RALY: variants seen among roughly 807,000 people sequenced by gnomAD.
RALY encodes the protein RNA-binding protein Raly.
Under a neutral mutation model 30.7 loss-of-function variants are expected in RALY, and 15 were observed. The ratio of observed to expected loss-of-function variants is 0.49; its 90% CI spans 0.33 to 0.75. The LOEUF (loss-of-function observed/expected upper bound fraction) is 0.75, where lower values mean the gene tolerates loss of function less well. Ranked by LOEUF, RALY falls within the 30% of genes least tolerant of loss-of-function variation. The pLI, the probability that RALY is intolerant of heterozygous loss-of-function variation, is 0.02. For missense variants in RALY, 339 were observed against 414.3 expected (o/e 0.82, Z 1.58); for synonymous variants, 177 against 170.8 (o/e 1.04, Z -0.28).
intron 1 of RALY, among the ~76,000 whole-genome samples, chr20:34,020,476 A>G (rs926792275): frequency 6.6e-6 from 1 of 152,178 alleles, no homozygotes; most frequent in Admixed American, 6.5e-5. Context: ...GAGGATGAAT[A>G]AGGGTAGAGT....
intron 2 of RALY, among the ~76,000 whole-genome samples, chr20:34,051,907 A>G (rs912029752): frequency 2.6e-5 from 4 of 152,174 alleles, no homozygotes; most frequent in African/African-American, 9.7e-5. Context: ...GCCCAGCCTG[A>G]TACTTTCACT....
chr20:34,024,919 G>C (rs914462011), intron 1 of RALY, among the ~76,000 whole-genome samples: 1 of 152,230 alleles, frequency 6.6e-6, no homozygotes, highest in African/African-American at 2.4e-5. Context: ...TTTAGTAAAG[G>C]CTGGGATAAG....
chr20:34,010,919 C>T (rs1465604735), intron 1 of RALY, among the ~76,000 whole-genome samples: 2 of 151,528 alleles, frequency 1.3e-5, no homozygotes, highest in Non-Finnish European at 1.5e-5. Context: ...CATTATATCT[C>T]GGCTGAACTG....
chr20:33,994,840 ATTTAATGAGACTTCACCCAGGAAC>A (rs2030525946), intron 1 of RALY, among the ~76,000 whole-genome samples: 1 of 152,186 alleles, frequency 6.6e-6, no homozygotes, highest in African/African-American at 2.4e-5. Flanking sequence ...GACAGGGAAC[ATTTAATGAGACTTCACCCAGGAAC>A]TTCCCAAGCC....
At chr20:34,076,541 G>T (rs1312817966) in intron 6 of RALY, among the ~76,000 whole-genome samples, 161 bp from the exon 7 acceptor site, 4 of 152,192 alleles carry the variant, frequency 2.6e-5, no homozygotes, top group African/African-American at 9.7e-5. Context: ...AGGGATGGAC[G>T]CCAGGTAGTC....
intron 1 of RALY, among the ~76,000 whole-genome samples, chr20:34,017,211 A>C (rs2031643103): frequency 6.6e-6 from 1 of 152,246 alleles, no homozygotes; most frequent in African/African-American, 2.4e-5. Context: ...CTAAGTGTTA[A>C]ATACTGAGCC....
At chr20:34,029,837 C>T (rs1206144860) in intron 1 of RALY, 2 of 152,476 alleles carry the variant, frequency 1.3e-5, no homozygotes, top group Non-Finnish European at 2.9e-5. Flanking sequence ...CCCGCACCCT[C>T]AATCCCTTCA....
At chr20:34,010,113 T>C (rs2031336110) in intron 1 of RALY, among the ~76,000 whole-genome samples, 2 of 152,322 alleles carry the variant, frequency 1.3e-5, no homozygotes, top group South Asian at 4.1e-4. Flanking sequence ...CCTTGTCAAG[T>C]TGGCATTTTT....
At chr20:34,028,531 C>A (rs6059638) in intron 1 of RALY, among the ~76,000 whole-genome samples, 7 of 151,350 alleles carry the variant, frequency 4.6e-5, no homozygotes, top group Non-Finnish European at 8.8e-5. Context: ...GGTGAAACCC[C>A]GTCTGTACTA....
intron 1 of RALY, among the ~76,000 whole-genome samples, chr20:34,013,977 T>C (rs916425471): frequency 6.6e-6 from 1 of 152,204 alleles, no homozygotes; most frequent in Non-Finnish European, 1.5e-5. Context: ...AATTATTGAC[T>C]TGAGGGTCTC....
intron 1 of RALY, among the ~76,000 whole-genome samples, chr20:33,998,725 T>C (rs904082697): frequency 1.3e-5 from 2 of 152,166 alleles, no homozygotes; most frequent in Non-Finnish European, 2.9e-5. Context: ...AGGAGCGGAC[T>C]GGAGAGCTAG....
In RALY at chr20:34,075,959, G is replaced by T; in HGVS notation, c.463G>T (p.Val155Phe). Residue 155 changes from valine (V) to phenylalanine (F), a missense_variant, in exon 6 of 10, where the codon GTC (valine) becomes TTC (phenylalanine). By Grantham distance (50) the Val-to-Phe change is conservative (BLOSUM62 -1). This residue lies in a region of RALY where 268 missense variants were observed against 280.6 expected (regional missense o/e 0.95). Coordinates refer to ENST00000246194, the MANE Select transcript of RALY (RefSeq NM_016732.3). The stretch of plus-strand genomic sequence containing the variant: ...GCGACCCCGGGTCACAGTCCCTTTG[G>T]TCCGGCGTGTCAAAACTAACGTACC... ...VKRPRVTVPL[V>F]RRVKTNVPVK... The T allele has an allele frequency of 6.2e-7, 1 of 1,614,150 alleles. No individual in the cohort carries two copies. The highest frequency in any genetic ancestry group is 8.5e-7 in the Non-Finnish European group (1 of 1,180,018).
At chr20:34,026,391 TTTA>T (rs2032037033) in intron 1 of RALY, among the ~76,000 whole-genome samples, 2 of 146,612 alleles carry the variant, frequency 1.4e-5, no homozygotes, top group Admixed American at 1.3e-4. Context: ...TATTTATTTA[TTTA>T]TTTATTTATT....
intron 8 of RALY, 90 bp downstream of exon 8, chr20:34,077,335 C>T (rs1276519365): frequency 7.0e-6 from 11 of 1,570,042 alleles, no homozygotes; most frequent in East Asian, 4.7e-5. Flanking sequence ...GAGCTGGTTG[C>T]CCCCACTGTG....
intron 2 of RALY, among the ~76,000 whole-genome samples, chr20:34,045,190 C>A (rs1403744477): frequency 6.6e-6 from 1 of 152,112 alleles, no homozygotes; most frequent in African/African-American, 2.4e-5. Context: ...GTTGGGATTA[C>A]AGGTATGAGC....
chr20:34,075,841 A>G (rs531277630), intron 5 of RALY, 33 bp from the exon 6 acceptor site: 24 of 1,598,172 alleles, frequency 1.5e-5, no homozygotes, highest in Non-Finnish European at 1.9e-5. Flanking sequence ...GCCACAAGCC[A>G]TGCTGCAGCC....
chr20:34,066,293 G>A (rs186405231), intron 2 of RALY, among the ~76,000 whole-genome samples: 106 of 151,342 alleles, frequency 7.0e-4, no homozygotes, highest in African/African-American at 2.5e-3. Flanking sequence ...AGCCTGACTA[G>A]CATGGTGAAA....
intron 2 of RALY, among the ~76,000 whole-genome samples, chr20:34,042,677 TAATG>T (rs1280861508): frequency 2.0e-5 from 3 of 152,238 alleles, no homozygotes; most frequent in Non-Finnish European, 4.4e-5. Flanking sequence ...TTTAGATTGT[TAATG>T]AAAGAAGGAT....
At chr20:34,060,778 A>G (rs558636777) in intron 2 of RALY, among the ~76,000 whole-genome samples, 1 of 152,226 alleles carries the variant, frequency 6.6e-6, no homozygotes, top group Non-Finnish European at 1.5e-5. Flanking sequence ...ATACTGTGTC[A>G]TATGACCCAC....
Sources: allele counts gnomAD v4.1 joint callset (sites outside exome capture counted in the v4.1 genomes callset), GRCh38; gene constraint gnomAD v4.1.1; regional missense constraint gnomAD v4.1.1; transcripts MANE v1.5; gene names NCBI Gene and HGNC (gene_info 2026-07-23, HGNC 2026-07-21).